The following PACS2 variants were observed in gnomAD, a reference collection of about 807,000 sequenced individuals.
PACS2 encodes the protein phosphofurin acidic cluster sorting protein 2.
PACS2 carries 36 observed loss-of-function variants against 113.0 expected under a neutral mutation model. The observed-to-expected ratio is 0.32, with a 90% CI of 0.24 to 0.42. The LOEUF (loss-of-function observed/expected upper bound fraction) is 0.42, where lower values mean the gene tolerates loss of function less well. PACS2 is among the 10% of genes least tolerant of loss of function. The pLI is 1.00. For synonymous variants in PACS2, 589 were observed against 536.1 expected, an observed-to-expected ratio of 1.10 and a Z score of -1.36; for missense variants, 1,015 against 1,239.5, an observed-to-expected ratio of 0.82 and a Z score of 2.72.
intron 20 of PACS2, 59 bp from the exon 21 acceptor site, chr14:105,391,148 A>G: frequency 2.2e-6 from 3 of 1,377,798 alleles, no homozygotes; most frequent in Non-Finnish European, 2.1e-6. Flanking sequence ...CCCCACTGGG[A>G]GGGCGCTGGG....
intron 1 of PACS2, among the ~76,000 whole-genome samples, chr14:105,306,148 A>T (rs1245478396): frequency 6.6e-6 from 1 of 152,180 alleles, no homozygotes; most frequent in African/African-American, 2.4e-5. Context: ...TAACACTTAG[A>T]CCAGGAAGGA....
chr14:105,394,504 G>A, intron 24 of PACS2, 50 bp from the exon 25 acceptor site: 1 of 1,604,056 alleles, frequency 6.2e-7, no homozygotes, highest in South Asian at 1.1e-5. Flanking sequence ...GGTGGATAGG[G>A]TGGGCAGGCC....
At position 105,367,138 on chromosome 14, in the gene PACS2, C is replaced by T; in HGVS notation, c.424-75C>T. The T allele has an allele frequency of 2.9e-6, 4 of 1,394,328 alleles. 1 individual carries two copies. In the South Asian group the frequency reaches 3.8e-5, roughly 13 times the overall value. 86.4% of individuals were successfully genotyped at this position (1,394,328 alleles called of 1,614,324 possible). ...ACTGAGAGAGAAAGCCCTTCAGAAA[C>T]CCCAGCCCACACATCAGGGCACCGG... On this transcript the variant is annotated intron_variant, in intron 4 of 24. Coordinates refer to ENST00000447393, the MANE Select transcript of PACS2 (RefSeq NM_001100913.3).
chr14:105,388,760 T>C (rs2081262430), intron 19 of PACS2: 1 of 152,224 alleles, frequency 6.6e-6, no homozygotes, highest in South Asian at 2.1e-4. Flanking sequence ...ACTCTGCAGT[T>C]TGGGGAAATG....
chr14:105,368,011 T>C (rs1160387711), intron 5 of PACS2, 63 bp from the exon 6 acceptor site: 1 of 1,082,768 alleles, frequency 9.2e-7, no homozygotes, highest in African/African-American at 1.5e-5. Context: ...CTGGGGGTGG[T>C]CACTGCCTGG....
chr14:105,321,953 T>G (rs2058903317), intron 1 of PACS2, among the ~76,000 whole-genome samples: 1 of 152,172 alleles, frequency 6.6e-6, no homozygotes, highest in African/African-American at 2.4e-5. Flanking sequence ...GACTTTTTTT[T>G]TTTTGAGACA....
intron 9 of PACS2, among the ~76,000 whole-genome samples, chr14:105,379,538 C>T (rs1286602150): frequency 1.3e-5 from 2 of 152,174 alleles, no homozygotes; most frequent in South Asian, 2.1e-4. Flanking sequence ...TTAGTGTTGC[C>T]AGCTCCAGAA....
intron 4 of PACS2, among the ~76,000 whole-genome samples, chr14:105,359,595 T>TC (rs2060594790): frequency 6.9e-6 from 1 of 145,206 alleles, no homozygotes; most frequent in African/African-American, 2.6e-5. Context: ...TTCTTTTTTT[T>TC]TTTTTTTTTT....
chr14:105,377,700 C>T (rs956054752), intron 9 of PACS2, among the ~76,000 whole-genome samples: 11 of 152,256 alleles, frequency 7.2e-5, no homozygotes, highest in Non-Finnish European at 1.5e-4. Flanking sequence ...ACCTCACCTG[C>T]CCCGGCCTGG....
intron 1 of PACS2, among the ~76,000 whole-genome samples, chr14:105,320,796 G>T (rs892383329): frequency 2.6e-5 from 4 of 152,144 alleles, no homozygotes; most frequent in Admixed American, 1.3e-4. Context: ...GCTGTATCGT[G>T]GTATAGCTTA....
intron 2 of PACS2, 121 bp from the exon 3 acceptor site, chr14:105,352,257 C>A: frequency 2.9e-6 from 2 of 695,474 alleles, no homozygotes. Flanking sequence ...CTGTGCCTAC[C>A]ACCCCCAGAC....
Position 105,391,670 on chromosome 14 carries a change from TCTC to T in PACS2, c.2164_2166del (p.Ser722del), listed in dbSNP as rs782313719. 1.2e-6 allele frequency: 2 copies of T among 1,610,168 alleles called. No homozygotes were observed. The highest frequency in any genetic ancestry group is 1.7e-4 in the Middle Eastern group (1 of 6,018). ...GCGGCCCCCTCGGGCTCTGGCACGC[TCTC>T]CTCCACCCCGCCGTCCGCATCTCCT... is the stretch of plus-strand genomic sequence containing the variant. On this transcript the variant is annotated inframe_deletion, in exon 22 of 25. Transcript: ENST00000447393.
At chr14:105,312,869 G>GC (rs1456279225), upstream of PACS2, among the ~76,000 whole-genome samples, 1 of 152,206 alleles carries the variant, frequency 6.6e-6, no homozygotes, top group Non-Finnish European at 1.5e-5. Flanking sequence ...CCTGGCAGAA[G>GC]CATTGATGTA....
chr14:105,353,969 C>T (rs906346262), intron 3 of PACS2, among the ~76,000 whole-genome samples: 4 of 151,364 alleles, frequency 2.6e-5, no homozygotes, highest in Non-Finnish European at 5.9e-5. Context: ...CCCAGCACTT[C>T]GGGAGGCCGA....
intron 4 of PACS2, 35 bp from the exon 5 acceptor site, chr14:105,367,178 G>A (rs782717530): frequency 3.1e-6 from 5 of 1,599,142 alleles, no homozygotes; most frequent in Non-Finnish European, 3.4e-6. Context: ...CCTTCCCGTC[G>A]TGCTGCTTTC....
rs1555408165 is a variant in PACS2, at chr14:105,367,261, A to T, written c.472A>T (p.Ser158Cys). The T allele has an allele frequency of 3.1e-6, 5 of 1,613,066 alleles. No individual in the cohort carries two copies. The highest frequency in any genetic ancestry group is 4.2e-6 in the Non-Finnish European group (5 of 1,179,994). ...TGGCCAGGTGCTGAGCCTCTGCAGC[A>T]GCATCAAGGAGGCCCCCGTCAAGGC... ...EGGQVLSLCS[S>C]IKEAPVKAAE... Residue 158 changes from serine to cysteine, a missense_variant, in exon 5 of 25, where the codon AGC becomes TGC. Transcript: ENST00000447393.
In PACS2 at chr14:105,383,190, G is replaced by A. The variant is rs1281778854; in HGVS notation, c.1626-169G>A. ...CCATGACTGTGTGGTCCCTCAGCCT[G>A]GGCACGTTTGGGCATGTGGGGGTCC... On this transcript the variant is annotated intron_variant, in intron 15 of 24. Coordinates refer to ENST00000447393, the MANE Select transcript of PACS2 (RefSeq NM_001100913.3). The A allele has an allele frequency of 1.0e-5, 8 of 775,196 alleles. No individual in the cohort carries two copies. The African/African-American group carries it at 1.4e-4, about 13-fold the overall frequency. 48.0% of individuals were successfully genotyped at this position (775,196 alleles called of 1,614,324 possible).
At chr14:105,347,753 C>T (rs139604091) in intron 1 of PACS2, among the ~76,000 whole-genome samples, 85 of 152,322 alleles carry the variant, frequency 5.6e-4, no homozygotes, top group Non-Finnish European at 9.9e-4. Context: ...GTGTTGCACC[C>T]CACACACCTT....
In PACS2 at chr14:105,392,785, G is replaced by C; in HGVS notation, c.2422G>C (p.Glu808Gln). Residue 808 changes from glutamate to glutamine, a missense_variant, in exon 23 of 25, where the codon GAG becomes CAG. Coordinates refer to ENST00000447393, the MANE Select transcript of PACS2 (RefSeq NM_001100913.3). ...GGTCAGCAGGCTGCCCAGCAGCGGCGAGGCTGCAGCCACGCCCACCATGTC... is the reference window on the plus strand; with the variant it reads ...GGTCAGCAGGCTGCCCAGCAGCGGCCAGGCTGCAGCCACGCCCACCATGTC... ...LQVSRLPSSG[E>Q]AAATPTMSMT... 6.2e-7 allele frequency: 1 copy of C among 1,610,744 alleles called. No individual in the cohort carries two copies. Among genetic ancestry groups the C allele is most frequent in the Non-Finnish European group, 8.5e-7 (1 of 1,179,990 alleles).
Sources: allele counts gnomAD v4.1 joint callset (sites outside exome capture counted in the v4.1 genomes callset), GRCh38; gene constraint gnomAD v4.1.1; transcripts MANE v1.5; gene names NCBI Gene and HGNC (gene_info 2026-07-23, HGNC 2026-07-21).